DISP1: variants seen among roughly 807,000 people sequenced by gnomAD.
DISP1 encodes the protein dispatched RND transporter family member 1, also known as protein dispatched homolog 1.
DISP1 carries 30 observed loss-of-function variants against 37.3 expected under a neutral mutation model. That is an observed-to-expected ratio of 0.80 (90% CI 0.60 to 1.09). DISP1 has a LOEUF of 1.09. DISP1 is among the 50% of genes least tolerant of loss of function. DISP1 has a pLI of 0.00. For missense variants in DISP1, 1,598 were observed against 1,879.5 expected (o/e 0.85, Z 2.77); for synonymous variants, 634 against 690.2 (o/e 0.92, Z 1.28).
At chr1:222,984,398 T>C (rs1220653652) in intron 4 of DISP1, among the ~76,000 whole-genome samples, 8 of 64,480 alleles carry the variant, frequency 1.2e-4, no homozygotes, top group Admixed American at 1.1e-3. Context: ...AGCCAGACTC[T>C]GTCTCAAAAA....
intron 1 of DISP1, among the ~76,000 whole-genome samples, chr1:222,897,332 A>G (rs1237555952): frequency 6.6e-6 from 1 of 152,202 alleles, no homozygotes; most frequent in East Asian, 1.9e-4. Flanking sequence ...GTGATTAACT[A>G]CAGAGGGTTA....
In DISP1 at chr1:223,004,153, C is replaced by G; in HGVS notation, c.2756C>G (p.Thr919Ser). 3.7e-6 allele frequency: 6 copies of G among 1,614,198 alleles called. No individual in the cohort carries two copies. Among genetic ancestry groups the G allele is most frequent in the Non-Finnish European group, 5.1e-6 (6 of 1,180,022 alleles). The change falls in exon 9 of 9, where the codon ACT (threonine) becomes AGT (serine). Residue 919 changes from threonine to serine, a missense_variant. Coordinates refer to ENST00000675850, the MANE Select transcript of DISP1 (RefSeq NM_001377229.1). This position sits in a 1 kb window ranked among gnomAD's most constrained non-coding sequence, Gnocchi z 4.9. Reference sequence around the variant, plus strand: ...GGGCCGAGGTTTGATATCAATGATACTATCAGGGCAGTGGTGTTAGAGTTC... The same window carrying G: ...GGGCCGAGGTTTGATATCAATGATAGTATCAGGGCAGTGGTGTTAGAGTTC... ...TPGPRFDIND[T>S]IRAVVLEFQS... is the part of the protein sequence containing the mutation.
At chr1:222,914,932 A>C (rs914010261) in intron 1 of DISP1, among the ~76,000 whole-genome samples, 1 of 152,208 alleles carries the variant, frequency 6.6e-6, no homozygotes, top group African/African-American at 2.4e-5. Context: ...GTACCACTGC[A>C]GTCCAGCTTG....
At chr1:222,880,141 A>G (rs570635963) in intron 1 of DISP1, among the ~76,000 whole-genome samples, 1 of 152,216 alleles carries the variant, frequency 6.6e-6, no homozygotes, top group Non-Finnish European at 1.5e-5. Context: ...ATCTGTACCC[A>G]TTACAATTTA....
intron 4 of DISP1, among the ~76,000 whole-genome samples, chr1:222,988,573 TTCTCTCTC>T (rs71802054): frequency 1.3e-5 from 2 of 150,546 alleles, no homozygotes; most frequent in Non-Finnish European, 2.9e-5. Context: ...AGATTTCTCT[TTCTCTCTC>T]TCTTTCTTTT....
intron 2 of DISP1, among the ~76,000 whole-genome samples, chr1:222,934,604 AAGT>A (rs1673602927): frequency 6.6e-6 from 1 of 152,136 alleles, no homozygotes; most frequent in South Asian, 2.1e-4. Flanking sequence ...ATATTAAAAC[AAGT>A]TTGGTAAATA....
Position 222,892,896 on chromosome 1 carries a change from A to G in DISP1, c.-158-35534A>G, listed in dbSNP as rs995304313. Among the ~76,000 whole-genome samples the G allele has an allele frequency of 2.0e-5, 3 of 152,382 alleles. No homozygotes were observed. In the East Asian group the frequency reaches 5.8e-4, roughly 29 times the overall value. On this transcript the variant is annotated intron_variant, in intron 1 of 8. Transcript: ENST00000675850. ...TATGCAACATGAAAGAAAGTTTTCT[A>G]TGTCTGGAATGTTTGTCATGAAATA...
chr1:222,985,707 T>C (rs1033858511), intron 4 of DISP1, among the ~76,000 whole-genome samples: 9 of 152,114 alleles, frequency 5.9e-5, no homozygotes, highest in African/African-American at 1.9e-4. Context: ...GTCTTGTAGA[T>C]ATTTGTGTGC....
chr1:222,958,774 C>A (rs2609363), intron 3 of DISP1, among the ~76,000 whole-genome samples: 148,864 of 152,238 alleles, frequency 0.98, 72,862 homozygotes, highest in East Asian at 1. Context: ...ACCAGAACAT[C>A]AGTATCCCAT....
chr1:222,838,608 GA>G (rs75584296), intron 1 of DISP1, among the ~76,000 whole-genome samples: 14,311 of 151,252 alleles, frequency 0.095, 766 homozygotes, highest in African/African-American at 0.12. Context: ...CATCTACAAA[GA>G]AAAAAAAATT....
chr1:222,964,313 GTGTT>G (rs772949412), intron 3 of DISP1, among the ~76,000 whole-genome samples: 2,425 of 118,762 alleles, frequency 0.02, 60 homozygotes, highest in South Asian at 0.13. Flanking sequence ...AAAAAAAAAA[GTGTT>G]TGGAAGATTA....
Position 222,912,005 on chromosome 1 carries a change from G to A in DISP1, c.-158-16425G>A, listed in dbSNP as rs551768788. ...TGGATGCCAGCTTAAAGAATAGCAAGGAATTGAATATGTGGTTGCAGCAGC... is the reference window on the plus strand; with the variant it reads ...TGGATGCCAGCTTAAAGAATAGCAAAGAATTGAATATGTGGTTGCAGCAGC... On this transcript the variant is annotated intron_variant, in intron 1 of 8. Coordinates refer to ENST00000675850, the MANE Select transcript of DISP1 (RefSeq NM_001377229.1). Among the ~76,000 whole-genome samples, 17 of 152,290 alleles carry A rather than the reference G, an allele frequency of 1.1e-4. No homozygotes were observed. The South Asian group carries it at 3.5e-3, about 32-fold the overall frequency.
In DISP1 at chr1:222,858,333, G is replaced by C. The variant is rs544597757; in HGVS notation, c.-159+43255G>C. Among the ~76,000 whole-genome samples, 141 of 152,164 alleles carry C rather than the reference G, an allele frequency of 9.3e-4. 4 individuals carry two copies. In the South Asian group the frequency reaches 0.029, roughly 31 times the overall value. ...TACCTTATACAAAAAATTAACTCAAGATGTATCAAAGACTTAAATATAAAA... is the reference window on the plus strand; with the variant it reads ...TACCTTATACAAAAAATTAACTCAACATGTATCAAAGACTTAAATATAAAA... On this transcript the variant is annotated intron_variant, in intron 1 of 8. Coordinates refer to ENST00000675850, the MANE Select transcript of DISP1 (RefSeq NM_001377229.1).
rs1678734239 is a variant in DISP1 at position 222,992,070 on chromosome 1, C to G, written c.849C>G (p.Asp283Glu). 1.2e-6 allele frequency: 2 copies of G among 1,613,866 alleles called. No individual in the cohort carries two copies. Among genetic ancestry groups the G allele is most frequent in the African/African-American group, 1.3e-5 (1 of 74,900 alleles). ...ATGAAAGAGAGAAAAGAGAAGTTGA[C>G]TGGAACTTCCACAAGGACAGCTTTT... is the stretch of plus-strand genomic sequence containing the variant. ...DHYEREKREV[D>E]WNFHKDSFFC... Residue 283 changes from aspartate to glutamate, a missense_variant, in exon 7 of 9, where the codon GAC becomes GAG. Transcript: ENST00000675850.
At position 223,005,597 on chromosome 1, in the gene DISP1, A is replaced by T; in HGVS notation, c.4200A>T (p.Gly1400=). The change falls in exon 9 of 9, where the codon GGA becomes GGT. Residue 1400 remains glycine (G), a synonymous_variant. Transcript: ENST00000675850. ...CGTCATTTGTCTGCAGAAGCACTGG[A>T]TCGTTACTCAAAACGTGTTGCGACC... ...EPSSFVCRST[G]SLLKTCCDPE... The T allele has an allele frequency of 6.2e-7, 1 of 1,614,178 alleles. No individual in the cohort carries two copies. Among genetic ancestry groups the T allele is most frequent in the Non-Finnish European group, 8.5e-7 (1 of 1,180,032 alleles).
rs1017572690 is a variant in DISP1 at position 222,875,913 on chromosome 1, A to G, written c.-158-52517A>G. 6.6e-5 allele frequency among the ~76,000 whole-genome samples: 10 copies of G among 151,812 alleles called. 1 individual carries two copies. Among genetic ancestry groups the G allele is most frequent in the East Asian group, 5.8e-4 (3 of 5,190 alleles). On this transcript the variant is annotated intron_variant, in intron 1 of 8. Coordinates refer to ENST00000675850, the MANE Select transcript of DISP1 (RefSeq NM_001377229.1). ...GATGCCTGTTATGAATTAACATTAAATGAGTTTTAACTCTTGCCACTATTG... is the reference window on the plus strand; with the variant it reads ...GATGCCTGTTATGAATTAACATTAAGTGAGTTTTAACTCTTGCCACTATTG...
intron 3 of DISP1, among the ~76,000 whole-genome samples, chr1:222,947,377 G>T (rs1674870188): frequency 6.6e-6 from 1 of 151,784 alleles, no homozygotes; most frequent in East Asian, 1.9e-4. Flanking sequence ...ATATTCCATT[G>T]TATATTTATA....
At chr1:222,819,570 C>A (rs947051228) in intron 1 of DISP1, among the ~76,000 whole-genome samples, 1 of 139,726 alleles carries the variant, frequency 7.2e-6, no homozygotes, top group Non-Finnish European at 1.5e-5. Context: ...CACAGTGTCT[C>A]GCTGTGTTGC....
At chr1:222,936,869 TC>T in intron 2 of DISP1, among the ~76,000 whole-genome samples, 2 of 67,166 alleles carry the variant, frequency 3.0e-5, no homozygotes, top group Non-Finnish European at 5.2e-5. Context: ...AATTTATATA[TC>T]ATATATATGA....
Sources: gnomAD v4.1 joint callset for allele counts (sites outside exome capture counted in the v4.1 genomes callset) on GRCh38, gnomAD v4.1.1 for gene constraint, Gnocchi (gnomAD v3.1) non-coding constraint, MANE v1.5 for transcripts, NCBI Gene and HGNC (gene_info 2026-07-23, HGNC 2026-07-21) for gene names.